The following TYW1 variants were observed in gnomAD, a reference collection of about 807,000 sequenced individuals.
TYW1 encodes the protein S-adenosyl-L-methionine-dependent tRNA 4-demethylwyosine synthase TYW1.
Under a neutral mutation model 96.2 loss-of-function variants are expected in TYW1, and 46 were observed. That is an observed-to-expected ratio of 0.48 (90% CI 0.38 to 0.61). The LOEUF (loss-of-function observed/expected upper bound fraction) is 0.61. TYW1 is among the 20% of genes least tolerant of loss of function. TYW1 has a pLI of 0.00. For missense variants in TYW1, 684 were observed against 909.6 expected (o/e 0.75, Z 3.19); for synonymous variants, 274 against 323.0 (o/e 0.85, Z 1.63).
At chr7:67,149,500 T>C (rs554091117) in intron 13 of TYW1, among the ~76,000 whole-genome samples, 13 of 152,306 alleles carry the variant, frequency 8.5e-5, no homozygotes, top group African/African-American at 3.1e-4. Flanking sequence ...CTTCATAGTC[T>C]GAGATATTGG....
At chr7:67,152,706 A>G (rs1019153091) in intron 13 of TYW1, among the ~76,000 whole-genome samples, 5 of 151,946 alleles carry the variant, frequency 3.3e-5, no homozygotes, top group Non-Finnish European at 7.4e-5. Flanking sequence ...GGTTCAAGTG[A>G]TTCTCCTGCC....
intron 12 of TYW1, among the ~76,000 whole-genome samples, chr7:67,099,951 G>A (rs6968898): frequency 0.17 from 26,382 of 151,844 alleles, 2,658 homozygotes; most frequent in African/African-American, 0.27. Flanking sequence ...TCAGTGAGCC[G>A]AGATCGCACC....
chr7:67,105,186 C>T (rs994119462), intron 12 of TYW1, among the ~76,000 whole-genome samples: 4 of 152,226 alleles, frequency 2.6e-5, no homozygotes, highest in African/African-American at 9.6e-5. Flanking sequence ...AGCTTCAAGT[C>T]AATGAGAAGG....
At chr7:67,127,772 G>C (rs2116036193) in intron 13 of TYW1, among the ~76,000 whole-genome samples, 1 of 152,024 alleles carries the variant, frequency 6.6e-6, no homozygotes, top group East Asian at 1.9e-4. Flanking sequence ...CCAGATTCCA[G>C]TTGTCTGAAA....
At position 67,195,007 on chromosome 7, in the gene TYW1, C is replaced by G. The variant is rs368066535; in HGVS notation, c.1810-163C>G. Among the ~76,000 whole-genome samples the G allele has an allele frequency of 2.7e-5, 4 of 148,218 alleles. No homozygotes were observed. In the East Asian group the frequency reaches 7.7e-4, roughly 29 times the overall value. ...CTTTGTCAGTAGCTACTTGTATGGTCTCCTAGGCAGATTTTATCATCTCTA... is the reference window on the plus strand; with the variant it reads ...CTTTGTCAGTAGCTACTTGTATGGTGTCCTAGGCAGATTTTATCATCTCTA... On this transcript the variant is annotated intron_variant, in intron 14 of 15. Coordinates refer to ENST00000359626, the MANE Select transcript of TYW1 (RefSeq NM_018264.4).
At chr7:67,215,749 T>C (rs1024912569) in intron 15 of TYW1, among the ~76,000 whole-genome samples, 1 of 152,044 alleles carries the variant, frequency 6.6e-6, no homozygotes, top group African/African-American at 2.4e-5. Context: ...AGAGCCAGTA[T>C]GAGTCCCAAA....
chr7:67,057,361 G>C (rs551588246), intron 9 of TYW1, among the ~76,000 whole-genome samples: 13 of 151,090 alleles, frequency 8.6e-5, no homozygotes, highest in South Asian at 8.3e-4. Flanking sequence ...TGATGATTGG[G>C]AACATTTTTT....
intron 4 of TYW1, among the ~76,000 whole-genome samples, chr7:67,010,477 ATTT>A (rs201032960): frequency 3.0e-5 from 4 of 135,332 alleles, no homozygotes; most frequent in African/African-American, 8.2e-5. Flanking sequence ...ATTTTAAAAG[ATTT>A]TTTTTTTTTT....
chr7:67,022,260 C>T (rs1029925489), intron 6 of TYW1, among the ~76,000 whole-genome samples: 2 of 152,110 alleles, frequency 1.3e-5, no homozygotes, highest in Non-Finnish European at 2.9e-5. Context: ...TAGCCATGTT[C>T]ATTCATTTAT....
At position 67,062,334 on chromosome 7, in the gene TYW1, G is replaced by A. The variant is rs367705400; in HGVS notation, c.1156-4951G>A. ...TGAGGCAGAAGAATCACTCAAACCC[G>A]GGAGGCGGAGGTTGCAGTGAGCCAA... On this transcript the variant is annotated intron_variant, in intron 9 of 15. Transcript: ENST00000359626. Among the ~76,000 whole-genome samples, 7 of 152,060 alleles carry A rather than the reference G, an allele frequency of 4.6e-5. No homozygotes were observed. The East Asian group carries it at 9.7e-4, about 21-fold the overall frequency.
intron 12 of TYW1, among the ~76,000 whole-genome samples, chr7:67,100,477 G>A (rs1208287528): frequency 6.7e-6 from 1 of 149,572 alleles, no homozygotes; most frequent in Non-Finnish European, 1.5e-5. Context: ...AAATATTGGG[G>A]AAATAGGAAA....
chr7:67,006,948 CTTTT>C (rs34475001), intron 3 of TYW1, among the ~76,000 whole-genome samples: 12,142 of 44,562 alleles, frequency 0.27, 1,358 homozygotes, highest in Middle Eastern at 0.3. Flanking sequence ...AGATGTGAGG[CTTTT>C]TTTTTTTTTT....
At chr7:67,074,666 T>G (rs1451906740) in intron 10 of TYW1, among the ~76,000 whole-genome samples, 2 of 152,236 alleles carry the variant, frequency 1.3e-5, no homozygotes, top group Non-Finnish European at 2.9e-5. Context: ...TAAAAATTGA[T>G]TTAAATGTTA....
intron 12 of TYW1, among the ~76,000 whole-genome samples, chr7:67,106,677 C>G (rs1054767582): frequency 6.6e-6 from 1 of 152,216 alleles, no homozygotes; most frequent in African/African-American, 2.4e-5. Context: ...CATTTGTAGA[C>G]TCACAAACTC....
chr7:67,113,073 A>G (rs1797474452), intron 12 of TYW1, among the ~76,000 whole-genome samples: 1 of 152,228 alleles, frequency 6.6e-6, no homozygotes, highest in East Asian at 1.9e-4. Context: ...ACATCCGTGG[A>G]AATGATCTCA....
chr7:67,060,421 C>G (rs868650889), intron 9 of TYW1, among the ~76,000 whole-genome samples: 16 of 152,308 alleles, frequency 1.1e-4, no homozygotes, highest in African/African-American at 3.8e-4. Context: ...CTTAATATGA[C>G]AATGTCAGTT....
chr7:67,048,706 A>G (rs1795263240), intron 7 of TYW1, among the ~76,000 whole-genome samples: 1 of 152,218 alleles, frequency 6.6e-6, no homozygotes, highest in Non-Finnish European at 1.5e-5. Flanking sequence ...GGCCAAAGTC[A>G]ACAGGAAACA....
chr7:67,110,627 A>G (rs1001729622), intron 12 of TYW1, among the ~76,000 whole-genome samples: 11 of 152,220 alleles, frequency 7.2e-5, no homozygotes, highest in African/African-American at 2.4e-4. Flanking sequence ...GAACAAAACA[A>G]TATTCCCAAA....
chr7:67,007,581 A>G (rs890285033), intron 3 of TYW1, among the ~76,000 whole-genome samples: 42 of 151,604 alleles, frequency 2.8e-4, no homozygotes, highest in African/African-American at 1.0e-3. Flanking sequence ...GAATATCCAA[A>G]CCGTATCAGT....
Sources: allele counts gnomAD v4.1 joint callset (sites outside exome capture counted in the v4.1 genomes callset), GRCh38; gene constraint gnomAD v4.1.1; transcripts MANE v1.5; gene names NCBI Gene and HGNC (gene_info 2026-07-23, HGNC 2026-07-21).